Variants in CCSER1 observed in about 807,000 individuals in gnomAD.
CCSER1 encodes serine-rich coiled-coil domain-containing protein 1.
Under a neutral mutation model 82.0 loss-of-function variants are expected in CCSER1, and 41 were observed. The observed-to-expected ratio is 0.50, with a 90% CI of 0.39 to 0.65. CCSER1 has a LOEUF of 0.65. Ranked by LOEUF, CCSER1 falls within the 30% of genes least tolerant of loss-of-function variation. The pLI, the probability that CCSER1 is intolerant of heterozygous loss-of-function variation, is 0.00. For synonymous variants in CCSER1, 414 were observed against 383.9 expected (o/e 1.08, Z -0.92); for missense variants, 1,119 against 1,064.2 (o/e 1.05, Z -0.72).
chr4:90,231,614 C>T (rs1024733769), intron 1 of CCSER1, among the ~76,000 whole-genome samples: 1 of 147,040 alleles, frequency 6.8e-6, no homozygotes, highest in Admixed American at 6.8e-5. Context: ...GTTGGAAGTT[C>T]TGGCCAGGGC....
intron 10 of CCSER1, among the ~76,000 whole-genome samples, chr4:91,242,955 T>A (rs188780910): frequency 3.2e-4 from 48 of 152,230 alleles, no homozygotes; most frequent in African/African-American, 5.3e-4. Flanking sequence ...AAAAATCAGA[T>A]AACCAATCAC....
chr4:90,609,623 T>C (rs114676202), intron 5 of CCSER1, among the ~76,000 whole-genome samples: 1,666 of 152,332 alleles, frequency 0.011, 25 homozygotes, highest in African/African-American at 0.038. Context: ...TGGTATCTTA[T>C]ATGCCTTATA....
chr4:91,484,115 A>G (rs947758346), intron 10 of CCSER1, among the ~76,000 whole-genome samples: 3 of 151,934 alleles, frequency 2.0e-5, no homozygotes, highest in Non-Finnish European at 2.9e-5. Context: ...CAGTTCTCAA[A>G]TTCCACCAGC....
intron 3 of CCSER1, among the ~76,000 whole-genome samples, chr4:90,381,861 T>C (rs983928432): frequency 6.6e-6 from 1 of 152,270 alleles, no homozygotes; most frequent in South Asian, 2.1e-4. Flanking sequence ...TCATTATTTA[T>C]ATACCTTCAA....
chr4:91,550,616 T>C (rs535849937), intron 10 of CCSER1, among the ~76,000 whole-genome samples: 1 of 152,342 alleles, frequency 6.6e-6, no homozygotes, highest in African/African-American at 2.4e-5. Context: ...CGTTTTGTAA[T>C]GTTTTAAGAA....
Position 90,738,776 on chromosome 4 carries a change from C to A in CCSER1, c.2010+14785C>A, listed in dbSNP as rs73833786. ...TACCCCAGGCCTAGGGTGAGCAATG[C>A]CTGGCTGCTGTCGATGTTCACTCAA... On this transcript the variant is annotated intron_variant, in intron 7 of 10. Transcript: ENST00000509176. 2.8e-3 allele frequency among the ~76,000 whole-genome samples: 421 copies of A among 152,298 alleles called. 4 individuals carry two copies. Among genetic ancestry groups the A allele is most frequent in the African/African-American group, 9.8e-3 (408 of 41,570 alleles).
Position 91,515,401 on chromosome 4 carries a change from C to G in CCSER1, c.2218-83171C>G, listed in dbSNP as rs192877741. Among the ~76,000 whole-genome samples, 176 of 152,178 alleles carry G rather than the reference C, an allele frequency of 1.2e-3. 1 individual carries two copies. The highest frequency in any genetic ancestry group is 4.4e-5 in the Non-Finnish European group (3 of 68,004). Reference sequence around the variant, plus strand: ...AGATCCCAGTGTCTGTCATTTCCTTCTAAGTGTCCATGTGTTCTTGTTATT... The same window carrying G: ...AGATCCCAGTGTCTGTCATTTCCTTGTAAGTGTCCATGTGTTCTTGTTATT... On this transcript the variant is annotated intron_variant, in intron 10 of 10. Transcript: ENST00000509176.
intron 9 of CCSER1, among the ~76,000 whole-genome samples, chr4:91,008,067 T>G (rs2150494453): frequency 6.6e-6 from 1 of 152,280 alleles, no homozygotes; most frequent in Middle Eastern, 3.4e-3. Context: ...CTGATTCTAG[T>G]TTCATACACT....
intron 10 of CCSER1, among the ~76,000 whole-genome samples, chr4:91,255,855 A>G (rs1201687284): frequency 3.9e-5 from 6 of 152,152 alleles, no homozygotes; most frequent in Admixed American, 3.9e-4. Context: ...CTGAGGATGT[A>G]TGTCACCTCA....
intron 10 of CCSER1, among the ~76,000 whole-genome samples, chr4:91,253,434 G>A (rs1287491350): frequency 6.6e-6 from 1 of 152,018 alleles, no homozygotes; most frequent in Non-Finnish European, 1.5e-5. Context: ...ACTGTGTGGG[G>A]TTCAGCACCC....
intron 8 of CCSER1, among the ~76,000 whole-genome samples, chr4:90,818,164 A>G (rs1371910504): frequency 6.6e-6 from 1 of 152,102 alleles, no homozygotes; most frequent in African/African-American, 2.4e-5. Flanking sequence ...GAAAGTTTTA[A>G]ATTTTTTGAT....
intron 9 of CCSER1, among the ~76,000 whole-genome samples, chr4:90,939,428 C>G (rs1731338149): frequency 1.3e-5 from 2 of 152,310 alleles, no homozygotes; most frequent in East Asian, 3.9e-4. Context: ...CTGTGTGTCT[C>G]TGTCTGTTGC....
intron 7 of CCSER1, among the ~76,000 whole-genome samples, chr4:90,742,350 T>C (rs1288219735): frequency 6.6e-6 from 1 of 152,212 alleles, no homozygotes; most frequent in Non-Finnish European, 1.5e-5. Context: ...TGCTATAGAC[T>C]GAAGATTTAT....
chr4:91,455,590 G>A (rs1756119484), intron 10 of CCSER1, among the ~76,000 whole-genome samples: 1 of 151,928 alleles, frequency 6.6e-6, no homozygotes, highest in South Asian at 2.1e-4. Flanking sequence ...AGAATTATGA[G>A]AAATAGATTT....
At chr4:90,304,410 A>C (rs1285601283) in intron 1 of CCSER1, among the ~76,000 whole-genome samples, 1 of 152,224 alleles carries the variant, frequency 6.6e-6, no homozygotes, top group African/African-American at 2.4e-5. Context: ...AATGTCCATC[A>C]ATGATAGACT....
chr4:91,564,066 G>A (rs2110262086), intron 10 of CCSER1, among the ~76,000 whole-genome samples: 1 of 151,876 alleles, frequency 6.6e-6, no homozygotes, highest in South Asian at 2.1e-4. Flanking sequence ...AGACCCCAGT[G>A]TCTGTTGTTT....
chr4:91,065,408 T>G (rs73834775), intron 9 of CCSER1, among the ~76,000 whole-genome samples: 3,231 of 152,270 alleles, frequency 0.021, 86 homozygotes, highest in African/African-American at 0.062. Context: ...AAAAGTTATA[T>G]TCATATCATA....
chr4:90,200,451 CT>C (rs756686584), intron 1 of CCSER1, among the ~76,000 whole-genome samples: 35 of 151,660 alleles, frequency 2.3e-4, no homozygotes, highest in East Asian at 1.7e-3. Context: ...ATTTTTTCAG[CT>C]AAAAAAAAAT....
chr4:90,809,775 C>G (rs372482198), intron 7 of CCSER1, among the ~76,000 whole-genome samples: 1 of 151,914 alleles, frequency 6.6e-6, no homozygotes, highest in African/African-American at 2.4e-5. Context: ...GCCTGCAGTC[C>G]TAGCTACTTG....
Sources: allele counts gnomAD v4.1 joint callset (sites outside exome capture counted in the v4.1 genomes callset), GRCh38; gene constraint gnomAD v4.1.1; transcripts MANE v1.5; gene names NCBI Gene and HGNC (gene_info 2026-07-23, HGNC 2026-07-21).